The following STAT5B variants were observed in gnomAD, a reference collection of about 807,000 sequenced individuals.
STAT5B encodes signal transducer and activator of transcription 5B.
A neutral mutation model predicts 107.8 loss-of-function variants in STAT5B; 21 were observed. The observed-to-expected ratio is 0.19, with a 90% CI of 0.14 to 0.28. The LOEUF (loss-of-function observed/expected upper bound fraction) is 0.28. Ranked by LOEUF, STAT5B falls within the 10% of genes least tolerant of loss-of-function variation. STAT5B has a pLI of 1.00. For missense variants in STAT5B, 565 were observed against 1,008.2 expected (o/e 0.56, Z 5.95); for synonymous variants, 325 against 401.7 (o/e 0.81, Z 2.28).
At position 42,201,285 on chromosome 17, in the gene STAT5B, CAG is replaced by C. The variant is rs1482289005; in HGVS notation, c.*451_*452del. ...GGTTATATATCAATTGCTTGGCAGACAGAGTGACGAAGACTCACTGGAGCACA... is the reference window on the plus strand; with the variant it reads ...GGTTATATATCAATTGCTTGGCAGACAGTGACGAAGACTCACTGGAGCACA... On this transcript the variant is annotated 3_prime_UTR_variant, in exon 19 of 19. Transcript: ENST00000293328. The C allele has an allele frequency of 2.7e-5, 13 of 482,936 alleles. No individual in the cohort carries two copies. Among genetic ancestry groups the C allele is most frequent in the Non-Finnish European group, 4.7e-5 (13 of 275,128 alleles). 29.9% of individuals were successfully genotyped at this position (482,936 alleles called of 1,614,324 possible).
chr17:42,210,499 T>C lies in STAT5B; in HGVS notation c.1681-2A>G, dbSNP rs1463463495. 6.2e-7 allele frequency: 1 copy of C among 1,612,528 alleles called. No individual in the cohort carries two copies. The highest frequency in any genetic ancestry group is 8.5e-7 in the Non-Finnish European group (1 of 1,178,498). On this transcript the variant is annotated splice_acceptor_variant, in intron 13 of 18. Transcript: ENST00000293328. LOFTEE classifies it high-confidence loss of function. ...GTAATTCCGTCCTGGTAAATTCTCCTGGTTGGAGATACAACAGTGAACATA... is the reference window on the plus strand; with the variant it reads ...GTAATTCCGTCCTGGTAAATTCTCCCGGTTGGAGATACAACAGTGAACATA...
intron 13 of STAT5B, among the ~76,000 whole-genome samples, chr17:42,211,421 G>A (rs989608753): frequency 1.1e-4 from 16 of 152,006 alleles, no homozygotes; most frequent in African/African-American, 2.7e-4. Context: ...CAGGAGAATC[G>A]CTTGAAACCA....
upstream of STAT5B, among the ~76,000 whole-genome samples, chr17:42,279,600 C>A (rs962290190): frequency 1.3e-5 from 2 of 152,108 alleles, no homozygotes; most frequent in African/African-American, 2.4e-5. Context: ...CCAGCCTAAC[C>A]AACGTGGAGA....
At chr17:42,241,392 TTG>T (rs2080401035) in intron 1 of STAT5B, among the ~76,000 whole-genome samples, 1 of 151,532 alleles carries the variant, frequency 6.6e-6, no homozygotes, top group Non-Finnish European at 1.5e-5. Context: ...CTGCTTTCTG[TTG>T]ATACCAACAT....
chr17:42,284,264 CTT>C, the STAT5B span, among the ~76,000 whole-genome samples: 4 of 145,526 alleles, frequency 2.7e-5, no homozygotes, highest in African/African-American at 1.0e-4. Context: ...CTCTCTCCCT[CTT>C]TTTTTTTTTT....
At chr17:42,244,348 C>T (rs573493327) in intron 1 of STAT5B, among the ~76,000 whole-genome samples, 13 of 151,734 alleles carry the variant, frequency 8.6e-5, no homozygotes, top group African/African-American at 3.1e-4. Context: ...ACCTCGGCCT[C>T]CCAAAGTGCT....
intron 1 of STAT5B, among the ~76,000 whole-genome samples, chr17:42,237,065 C>T (rs1397368046): frequency 6.6e-6 from 1 of 152,188 alleles, no homozygotes; most frequent in Non-Finnish European, 1.5e-5. Flanking sequence ...AAGATGAGAA[C>T]TATTTGAGCT....
chr17:42,243,197 A>T (rs1489318338), intron 1 of STAT5B, among the ~76,000 whole-genome samples: 34 of 152,102 alleles, frequency 2.2e-4, no homozygotes, highest in East Asian at 5.8e-4. Flanking sequence ...ATAAAAAAAA[A>T]ATATAAAAAT....
upstream of STAT5B, among the ~76,000 whole-genome samples, chr17:42,281,158 C>CA (rs1028441511): frequency 2.9e-4 from 44 of 149,974 alleles, no homozygotes; most frequent in South Asian, 4.2e-4. Flanking sequence ...AAAACAAAAA[C>CA]AAAAAAAAAC....
At chr17:42,214,456 C>T in intron 12 of STAT5B, 1 of 985,354 alleles carries the variant, frequency 1.0e-6, no homozygotes, top group Non-Finnish European at 1.2e-6. Context: ...TACTTTTTCT[C>T]TAAAGAGGAG....
intron 1 of STAT5B, among the ~76,000 whole-genome samples, chr17:42,246,855 G>A (rs1379707580): frequency 6.6e-5 from 10 of 152,144 alleles, no homozygotes; most frequent in East Asian, 3.8e-4. Context: ...CGTGAAGGCC[G>A]TTGACAGTTC....
intron 13 of STAT5B, among the ~76,000 whole-genome samples, chr17:42,211,667 G>A (rs2080130786): frequency 6.6e-6 from 1 of 152,162 alleles, no homozygotes; most frequent in Admixed American, 6.6e-5. Flanking sequence ...AAAGGGGAGA[G>A]AGGCCCAGAG....
Position 42,201,891 on chromosome 17 carries a change from G to A in STAT5B, c.2238-27C>T, listed in dbSNP as rs764530467. On this transcript the variant is annotated intron_variant, in intron 18 of 18. Coordinates refer to ENST00000293328, the MANE Select transcript of STAT5B (RefSeq NM_012448.4). The stretch of plus-strand genomic sequence containing the variant: ...TTGGGAGGGAAAGAAGAGGGATGAA[G>A]GGAAGGGGAAAGCCTGCCAGAGACC... 25 of 1,611,542 alleles carry A rather than the reference G, an allele frequency of 1.6e-5. No individual in the cohort carries two copies. The Middle Eastern group carries it at 2.3e-3, about 149-fold the overall frequency.
chr17:42,281,903 C>T, the STAT5B span, among the ~76,000 whole-genome samples: 2 of 152,176 alleles, frequency 1.3e-5, no homozygotes, highest in Non-Finnish European at 2.9e-5. Context: ...GCCACTGCAG[C>T]CAGTATCTTG....
chr17:42,227,392 AAGACC>A, intron 3 of STAT5B, 132 bp downstream of exon 3: 2 of 1,265,546 alleles, frequency 1.6e-6, no homozygotes, highest in South Asian at 1.5e-5. Context: ...AAAAAAAAAA[AAGACC>A]AAAACCACAC....
intron 1 of STAT5B, among the ~76,000 whole-genome samples, chr17:42,241,542 A>C (rs1031384655): frequency 1.3e-5 from 2 of 151,198 alleles, no homozygotes; most frequent in Non-Finnish European, 2.9e-5. Context: ...TCCCGGGTTC[A>C]AGAGATTCTC....
intron 8 of STAT5B, 51 bp from the exon 9 acceptor site, chr17:42,218,381 A>T: frequency 6.3e-7 from 1 of 1,585,400 alleles, no homozygotes; most frequent in Non-Finnish European, 8.6e-7. Flanking sequence ...TGCAGGGGAA[A>T]GGGCTCTCAG....
chr17:42,277,187 G>A (rs2144454291), upstream of STAT5B, among the ~76,000 whole-genome samples: 1 of 152,300 alleles, frequency 6.6e-6, no homozygotes, highest in South Asian at 2.1e-4. Context: ...TGGGAAGCCA[G>A]GCTGAGTCAC....
intron 2 of STAT5B, among the ~76,000 whole-genome samples, chr17:42,229,495 G>A (rs956384017): frequency 2.0e-5 from 3 of 151,550 alleles, no homozygotes; most frequent in African/African-American, 4.8e-5. Context: ...AAAACTCACA[G>A]AAGTCAGGTA....
Sources: gnomAD v4.1 joint callset for allele counts (sites outside exome capture counted in the v4.1 genomes callset) on GRCh38, gnomAD v4.1.1 for gene constraint, MANE v1.5 for transcripts, NCBI Gene and HGNC (gene_info 2026-07-23, HGNC 2026-07-21) for gene names.